The following TTC7A variants were observed in gnomAD, a reference collection of about 807,000 sequenced individuals.
TTC7A encodes the protein tetratricopeptide repeat protein 7A.
TTC7A carries 110 observed loss-of-function variants against 103.7 expected under a neutral mutation model. The ratio of observed to expected loss-of-function variants is 1.06; its 90% confidence interval spans 0.91 to 1.24. The LOEUF (loss-of-function observed/expected upper bound fraction) is 1.24. TTC7A is among the 50% of genes most tolerant of loss of function. The pLI is 0.00. For synonymous variants in TTC7A, 521 were observed against 467.9 expected (o/e 1.11, Z -1.47); for missense variants, 1,340 against 1,116.3 (o/e 1.20, Z -2.86).
chr2:46,937,117 A>G (rs1332319307), upstream of TTC7A, among the ~76,000 whole-genome samples: 1 of 152,084 alleles, frequency 6.6e-6, no homozygotes, highest in East Asian at 1.9e-4. The surrounding 1 kb of genome is among the most constrained non-coding windows in gnomAD (Gnocchi z 4.0). Flanking sequence ...TGGCCTCCCA[A>G]AGTGCTAGGA....
At chr2:47,047,275 G>A (rs998201829) in intron 16 of TTC7A, 20 of 1,548,110 alleles carry the variant, frequency 1.3e-5, no homozygotes, top group Non-Finnish European at 1.7e-5. Context: ...GAGACTTTAG[G>A]AGCCCAGAAG....
chr2:46,981,643 A>G (rs1444215315), intron 5 of TTC7A, among the ~76,000 whole-genome samples: 2 of 152,200 alleles, frequency 1.3e-5, no homozygotes, highest in Non-Finnish European at 2.9e-5. Flanking sequence ...GGAGGCGGCA[A>G]AGGCCCATGA....
Position 47,021,587 on chromosome 2 carries a change from A to G in TTC7A, c.1393-275A>G, listed in dbSNP as rs13023952. On this transcript the variant is annotated intron_variant, in intron 11 of 19. Coordinates refer to ENST00000319190, the MANE Select transcript of TTC7A (RefSeq NM_020458.4). ...CCTGCCCCGGCCCTGGCTTTCCTCT[A>G]TGTGCCGAGCAGGACAGGCACAGAC... 0.38 allele frequency among the ~76,000 whole-genome samples: 57,792 copies of G among 151,802 alleles called. 12,289 individuals are homozygous for G. The highest frequency in any genetic ancestry group is 0.53 in the East Asian group (2,750 of 5,146).
chr2:46,931,840 A>C (rs977704209), intron 2 of TTC7A, among the ~76,000 whole-genome samples: 19 of 152,306 alleles, frequency 1.2e-4, no homozygotes, highest in African/African-American at 4.6e-4. Flanking sequence ...CAGGAATTTT[A>C]AGATAATGAA....
At chr2:47,046,675 G>T (rs1682356567) in intron 16 of TTC7A, 1 of 509,010 alleles carries the variant, frequency 2.0e-6, no homozygotes. Flanking sequence ...AGAAGGAAGA[G>T]AAATCATTCT....
chr2:47,050,380 G>T, intron 17 of TTC7A: 1 of 286,970 alleles, frequency 3.5e-6, no homozygotes, highest in Non-Finnish European at 6.8e-6. Flanking sequence ...GTCCTTGGCA[G>T]ATCAAGTCAA....
intron 17 of TTC7A, among the ~76,000 whole-genome samples, chr2:47,051,493 T>G (rs1682852474): frequency 6.6e-6 from 1 of 152,248 alleles, no homozygotes; most frequent in Non-Finnish European, 1.5e-5. Context: ...CATTATTGTT[T>G]TCCCAGGAAT....
intron 15 of TTC7A, among the ~76,000 whole-genome samples, chr2:47,041,063 C>T (rs751905501): frequency 6.6e-6 from 1 of 152,178 alleles, no homozygotes; most frequent in Non-Finnish European, 1.5e-5. Flanking sequence ...CAGTGACTGT[C>T]CCCTGGGATG....
At chr2:47,043,116 G>A (rs1043052123) in intron 15 of TTC7A, among the ~76,000 whole-genome samples, 1 of 152,254 alleles carries the variant, frequency 6.6e-6, no homozygotes, top group Non-Finnish European at 1.5e-5. Flanking sequence ...AGGTGGGTGA[G>A]GAGAAGCAGC....
rs979181797 is a variant in TTC7A, at chr2:46,983,659, T to C, written c.764+4752T>C. On this transcript the variant is annotated intron_variant, in intron 5 of 19. Coordinates refer to ENST00000319190, the MANE Select transcript of TTC7A (RefSeq NM_020458.4). ...TTGTGCCTGTAAGGCAGGGGTGGCC[T>C]GCCGCCACTTTTCTTGTAAATAAAC... Among the ~76,000 whole-genome samples the C allele has an allele frequency of 3.3e-5, 5 of 152,254 alleles. No individual in the cohort carries two copies. The East Asian group carries it at 9.6e-4, about 29-fold the overall frequency.
chr2:47,046,478 G>C (rs1310513882), intron 16 of TTC7A, 47 bp downstream of exon 16: 9 of 1,504,432 alleles, frequency 6.0e-6, no homozygotes, highest in Non-Finnish European at 8.3e-6. Flanking sequence ...GTGGTTGCCA[G>C]GGCAACAATC....
At chr2:47,024,388 G>A (rs749953121) in intron 14 of TTC7A, 29 bp downstream of exon 14, 16 of 1,583,034 alleles carry the variant, frequency 1.0e-5, no homozygotes, top group Non-Finnish European at 1.4e-5. Flanking sequence ...TAACCCCCGG[G>A]TCCTCGGGGG....
In TTC7A at chr2:46,990,510, C is replaced by T. The variant is rs143979799; in HGVS notation, c.765-2940C>T. Among the ~76,000 whole-genome samples, 605 of 152,288 alleles carry T rather than the reference C, an allele frequency of 4.0e-3. 3 individuals are homozygous for T. The highest frequency in any genetic ancestry group is 6.8e-3 in the Middle Eastern group (2 of 294). On this transcript the variant is annotated intron_variant, in intron 5 of 19. Coordinates refer to ENST00000319190, the MANE Select transcript of TTC7A (RefSeq NM_020458.4). ...GTGTCCTCTCCCCTACTCATGAGCT[C>T]CCAAACTTCCAAACTTTAACATAAG...
chr2:46,948,040 G>T (rs1671082177), intron 1 of TTC7A, among the ~76,000 whole-genome samples: 1 of 152,224 alleles, frequency 6.6e-6, no homozygotes, highest in African/African-American at 2.4e-5. Flanking sequence ...GCTCAACCAA[G>T]CGAGGAGCTC....
chr2:46,935,050 C>G (rs1331179793), intron 2 of TTC7A, among the ~76,000 whole-genome samples: 1 of 151,988 alleles, frequency 6.6e-6, no homozygotes, highest in East Asian at 1.9e-4. Flanking sequence ...CCACCCACCT[C>G]GGCCTCCCAA....
chr2:46,994,281 G>A lies in TTC7A; in HGVS notation c.844-76G>A, dbSNP rs746156336. The A allele has an allele frequency of 1.2e-4, 176 of 1,515,630 alleles. 1 individual carries two copies. The highest frequency in any genetic ancestry group is 2.6e-4 in the Admixed American group (13 of 50,652). The allele number at this position is 1,515,630 out of a possible 1,614,324, so 93.9% of individuals were successfully genotyped here. A position where few individuals can be genotyped will look rare whatever the true frequency, so the allele number is the denominator to read the frequency against. On this transcript the variant is annotated intron_variant, in intron 6 of 19. Coordinates refer to ENST00000319190, the MANE Select transcript of TTC7A (RefSeq NM_020458.4). Reference sequence around the variant, plus strand: ...AAGCGGGGCAGATTTAGCTGGGATGGGCAGAGGGCGTTCTAGGTCATGCTG... The same window carrying A: ...AAGCGGGGCAGATTTAGCTGGGATGAGCAGAGGGCGTTCTAGGTCATGCTG...
rs1669155733 is a variant in TTC7A at position 46,922,497 on chromosome 2, G to A, written c.82+5220G>A. Among the ~76,000 whole-genome samples, 3 of 152,068 alleles carry A rather than the reference G, an allele frequency of 2.0e-5. No individual in the cohort carries two copies. The South Asian group carries it at 6.2e-4, about 31-fold the overall frequency. The stretch of plus-strand genomic sequence containing the variant: ...TAGTATTAGACTAAACTCCAGACCT[G>A]AGTGCGGGCAGAGTGTAATTATAAA... On this transcript the variant is annotated intron_variant, in intron 2 of 20. Transcript: ENST00000409245.
chr2:47,008,957 A>G (rs1199916673), intron 10 of TTC7A, among the ~76,000 whole-genome samples: 1 of 151,748 alleles, frequency 6.6e-6, no homozygotes, highest in Non-Finnish European at 1.5e-5. Context: ...GGCTCCTTAA[A>G]TAGCAGCGTT....
intron 16 of TTC7A, among the ~76,000 whole-genome samples, 166 bp downstream of exon 16, chr2:47,046,597 G>A (rs1283621692): frequency 6.6e-6 from 1 of 152,226 alleles, no homozygotes; most frequent in Non-Finnish European, 1.5e-5. Context: ...AGTCCAGTTT[G>A]AACCTCCTGA....
Sources: gnomAD v4.1 joint callset for allele counts (sites outside exome capture counted in the v4.1 genomes callset) on GRCh38, gnomAD v4.1.1 for gene constraint, Gnocchi (gnomAD v3.1) non-coding constraint, MANE v1.5 for transcripts, NCBI Gene and HGNC (gene_info 2026-07-23, HGNC 2026-07-21) for gene names.